Variants in TSPAN4 observed in about 807,000 individuals in gnomAD.
TSPAN4 encodes the protein tetraspanin 4, also known as tetraspanin-4.
A neutral mutation model predicts 31.5 loss-of-function variants in TSPAN4; 38 were observed. That is an observed-to-expected ratio of 1.21 (90% CI 0.93 to 1.58). TSPAN4 has a LOEUF of 1.58. Among genes scored for constraint, TSPAN4 ranks in the 40% most tolerant of loss-of-function variants. The probability of loss-of-function intolerance (pLI) is 0.00; values close to 1 mark genes in which losing one functional copy is unlikely to be tolerated. For synonymous variants in TSPAN4, 186 were observed against 144.6 expected, an observed-to-expected ratio of 1.29 and a Z score of -2.06; for missense variants, 330 against 317.3, an observed-to-expected ratio of 1.04 and a Z score of -0.30.
In TSPAN4 at chr11:848,213, C is replaced by T. The variant is rs1048933576; in HGVS notation, c.-18+913C>T. ...TGAGGGTTTCTGTCAGGGTTGGGGT[C>T]CCAGGGCTCCTGGGGTCTCTGCTGG... On this transcript the variant is annotated intron_variant, in intron 2 of 8. Transcript: ENST00000397397. This position sits in a 1 kb window ranked among gnomAD's most constrained non-coding sequence, Gnocchi z 5.7. Among the ~76,000 whole-genome samples, 2 of 151,976 alleles carry T rather than the reference C, an allele frequency of 1.3e-5. No homozygotes were observed. Among genetic ancestry groups the T allele is most frequent in the South Asian group, 4.1e-4 (2 of 4,828 alleles).
chr11:848,998 G>A lies in TSPAN4; in HGVS notation c.-17-1290G>A, dbSNP rs1032263621. 2.6e-5 allele frequency: 16 copies of A among 615,798 alleles called. No individual in the cohort carries two copies. The highest frequency in any genetic ancestry group is 4.8e-5 in the Non-Finnish European group (16 of 334,748). 38.1% of individuals were successfully genotyped at this position (615,798 alleles called of 1,614,324 possible). On this transcript the variant is annotated intron_variant, in intron 2 of 8. Coordinates refer to ENST00000397397, the MANE Select transcript of TSPAN4 (RefSeq NM_003271.5). The surrounding 1 kb of genome is among the most constrained non-coding windows in gnomAD (Gnocchi z 5.7). Reference sequence around the variant, plus strand: ...ACAGGCTGACTTCCAGCCTGGGCTGGAGCAAAATGAAATTCTGGGCCCCTT... The same window carrying A: ...ACAGGCTGACTTCCAGCCTGGGCTGAAGCAAAATGAAATTCTGGGCCCCTT...
chr11:863,001 C>G, intron 4 of TSPAN4: 1 of 465,092 alleles, frequency 2.2e-6, no homozygotes, highest in Non-Finnish European at 3.8e-6. Context: ...CCTCCCCTGA[C>G]GGGACACTGG....
intron 5 of TSPAN4, chr11:864,790 C>CT: frequency 1.8e-6 from 1 of 542,622 alleles, no homozygotes; most frequent in South Asian, 2.2e-5. Context: ...CGTCCTGAGC[C>CT]GTCTGCTCCC....
Position 865,753 on chromosome 11 carries a change from G to A in TSPAN4, c.492G>A (p.Arg164=). 3 of 1,613,138 alleles carry A rather than the reference G, an allele frequency of 1.9e-6. No individual in the cohort carries two copies. Among genetic ancestry groups the A allele is most frequent in the Non-Finnish European group, 2.5e-6 (3 of 1,179,862 alleles). ...TDWFEVYNAT[R]VPDSCCLEFS... ...GGTTCGAGGTGTACAACGCCACGCG[G>A]GTACCTGACTCCTGCTGCTTGGAGT... Residue 164 remains arginine, a synonymous_variant, in exon 7 of 9, where the codon CGG becomes CGA. Transcript: ENST00000397397.
intron 4 of TSPAN4, chr11:864,219 C>T: frequency 1.6e-6 from 1 of 617,746 alleles, no homozygotes; most frequent in Non-Finnish European, 2.8e-6. Context: ...GCCCCACACT[C>T]AGGGGCTGAG....
Position 865,582 on chromosome 11 carries a change from C to G in TSPAN4, c.400C>G (p.Leu134Val), listed in dbSNP as rs1848730036. ...HLYGTQGNVGLTNAWSIIQTD... is the reference protein window; with the variant it reads ...HLYGTQGNVGVTNAWSIIQTD... The stretch of plus-strand genomic sequence containing the variant: ...GTACGGCACGCAGGGCAACGTGGGC[C>G]TCACCAACGCCTGGAGCATCATCCA... The change falls in exon 6 of 9, where the codon CTC (leucine) becomes GTC (valine). Residue 134 changes from leucine (L) to valine (V), a missense_variant. Coordinates refer to ENST00000397397, the MANE Select transcript of TSPAN4 (RefSeq NM_003271.5). 2 of 1,612,794 alleles carry G rather than the reference C, an allele frequency of 1.2e-6. No individual in the cohort carries two copies. Among genetic ancestry groups the G allele is most frequent in the Non-Finnish European group, 1.7e-6 (2 of 1,179,920 alleles).
At chr11:862,207 G>A (rs1848496666) in intron 3 of TSPAN4, 1 of 311,210 alleles carries the variant, frequency 3.2e-6, no homozygotes, top group East Asian at 6.5e-5. Flanking sequence ...TTAGGGGTGT[G>A]CAGACTGCGT....
chr11:866,696 C>G lies in TSPAN4; in HGVS notation c.*66C>G. On this transcript the variant is annotated 3_prime_UTR_variant, in exon 9 of 9. Coordinates refer to ENST00000397397, the MANE Select transcript of TSPAN4 (RefSeq NM_003271.5). ...GGGAGATGGCCGCACCCACAGCTGC[C>G]TTTCCCACCACCAGCCTCGGTGCTC... 2.0e-6 allele frequency: 3 copies of G among 1,472,880 alleles called. No individual in the cohort carries two copies. The highest frequency in any genetic ancestry group is 2.8e-6 in the Non-Finnish European group (3 of 1,081,144). The allele number at this position is 1,472,880 out of a possible 1,614,324, so 91.2% of individuals were successfully genotyped here. A position where few individuals can be genotyped will look rare whatever the true frequency, so the allele number is the denominator to read the frequency against.
chr11:866,084 G>C, intron 8 of TSPAN4, 83 bp downstream of exon 8: 1 of 1,478,824 alleles, frequency 6.8e-7, no homozygotes, highest in Non-Finnish European at 9.3e-7. Flanking sequence ...CAAAGACCTT[G>C]CCCCCAGGAA....
In TSPAN4 at chr11:848,426, C is replaced by T. The variant is rs1161391623; in HGVS notation, c.-18+1126C>T. 6.6e-6 allele frequency among the ~76,000 whole-genome samples: 1 copy of T among 152,032 alleles called. No individual in the cohort carries two copies. Among genetic ancestry groups the T allele is most frequent in the African/African-American group, 2.4e-5 (1 of 41,400 alleles). On this transcript the variant is annotated intron_variant, in intron 2 of 8. Transcript: ENST00000397397. The surrounding 1 kb of genome is among the most constrained non-coding windows in gnomAD (Gnocchi z 5.7). ...CCCCTTCCCCCAGCGAGGACCTGGG[C>T]ATGGGGTGCTGCCCTGGGGCTTGGG...
rs887033285 is a variant in TSPAN4, at chr11:850,450, T to G, written c.63+83T>G. On this transcript the variant is annotated intron_variant, in intron 3 of 8. Coordinates refer to ENST00000397397, the MANE Select transcript of TSPAN4 (RefSeq NM_003271.5). ...GGTCGCGGGGTCTGGGGAGTCGGAG[T>G]CGCTGCCCCGGCCAGGCGTTGGGTG... The G allele has an allele frequency of 3.7e-5, 46 of 1,235,116 alleles. No individual in the cohort carries two copies. The Admixed American group carries it at 9.4e-4, about 25-fold the overall frequency. 76.5% of individuals were successfully genotyped at this position (1,235,116 alleles called of 1,614,324 possible).
chr11:854,688 C>T (rs374755816), intron 3 of TSPAN4, among the ~76,000 whole-genome samples: 4 of 151,928 alleles, frequency 2.6e-5, no homozygotes, highest in Admixed American at 6.6e-5. Context: ...GTCCTGGCTG[C>T]GCTTGAGGCC....
chr11:853,815 C>T (rs1201545459), intron 3 of TSPAN4, among the ~76,000 whole-genome samples: 2 of 152,220 alleles, frequency 1.3e-5, no homozygotes, highest in Non-Finnish European at 2.9e-5. Flanking sequence ...TGAGCCCTCC[C>T]TGCAGAGGTT....
At chr11:854,979 A>G (rs1056668899) in intron 3 of TSPAN4, among the ~76,000 whole-genome samples, 1 of 152,228 alleles carries the variant, frequency 6.6e-6, no homozygotes, top group African/African-American at 2.4e-5. Context: ...TGGCAACCAC[A>G]GCGTGTCTGA....
intron 5 of TSPAN4, chr11:864,748 C>T (rs573373885): frequency 5.3e-5 from 31 of 589,840 alleles, no homozygotes; most frequent in Non-Finnish European, 6.9e-5. Flanking sequence ...CCGGAGGGTG[C>T]GCCCCAGGTT....
chr11:864,282 G>T, intron 4 of TSPAN4, 155 bp from the exon 5 acceptor site: 2 of 820,156 alleles, frequency 2.4e-6, no homozygotes, highest in East Asian at 5.2e-5. Flanking sequence ...TCTGAGGTGG[G>T]GGCGGCGTTC....
At chr11:855,667 A>G (rs528680970) in intron 3 of TSPAN4, among the ~76,000 whole-genome samples, 2 of 152,272 alleles carry the variant, frequency 1.3e-5, no homozygotes, top group South Asian at 4.1e-4. Context: ...GGGATGTGGA[A>G]ACAGGACGTC....
intron 3 of TSPAN4, among the ~76,000 whole-genome samples, chr11:851,319 ATTC>A (rs1480110327): frequency 1.3e-5 from 2 of 152,134 alleles, no homozygotes; most frequent in Admixed American, 6.5e-5. Flanking sequence ...TCTGTGCCCT[ATTC>A]TTAATTCCTG....
chr11:860,433 G>A (rs1446422437), intron 3 of TSPAN4, among the ~76,000 whole-genome samples: 1 of 152,232 alleles, frequency 6.6e-6, no homozygotes, highest in African/African-American at 2.4e-5. Context: ...GCCTGGCGCT[G>A]GCTGATGCAC....
Sources: gnomAD v4.1 joint callset for allele counts (sites outside exome capture counted in the v4.1 genomes callset) on GRCh38, gnomAD v4.1.1 for gene constraint, Gnocchi (gnomAD v3.1) non-coding constraint, MANE v1.5 for transcripts, NCBI Gene and HGNC (gene_info 2026-07-23, HGNC 2026-07-21) for gene names.